The following PALM2AKAP2 variants were observed in gnomAD, a reference collection of about 807,000 sequenced individuals.
The protein encoded by PALM2AKAP2 is PALM2 and AKAP2 fusion, also known as PALM2-AKAP2 fusion protein.
In PALM2AKAP2, 37 loss-of-function variants were observed where a neutral mutation model predicts 71.5. The ratio of observed to expected loss-of-function variants is 0.52; its 90% CI spans 0.40 to 0.68. The LOEUF is 0.68. PALM2AKAP2 is among the 30% of genes least tolerant of loss of function. The pLI is 0.00. For missense variants in PALM2AKAP2, 1,224 were observed against 1,191.8 expected, an observed-to-expected ratio of 1.03 and a Z score of -0.40; for synonymous variants, 468 against 478.8, an observed-to-expected ratio of 0.98 and a Z score of 0.29.
Position 109,966,270 on chromosome 9 carries a change from T to G in PALM2AKAP2, c.496+34242T>G, listed in dbSNP as rs183746318. 2.9e-4 allele frequency among the ~76,000 whole-genome samples: 44 copies of G among 152,248 alleles called. 1 individual carries two copies. Among genetic ancestry groups the G allele is most frequent in the Admixed American group, 1.5e-3 (23 of 15,288 alleles). On this transcript the variant is annotated intron_variant, in intron 6 of 9. Coordinates refer to the PALM2AKAP2 transcript ENST00000302798. ...GTGTTGCACAAGTCCTAGACTAAAC[T>G]AGGATGGTGGCTGTGCAAAAGAAAA...
intron 1 of PALM2AKAP2, among the ~76,000 whole-genome samples, chr9:109,667,844 T>G (rs796700464): frequency 1.3e-5 from 2 of 151,668 alleles, no homozygotes; most frequent in African/African-American, 4.8e-5. Context: ...AGCCTATAGC[T>G]CAGGATAGGT....
At chr9:109,933,102 A>G (rs548184834) in intron 6 of PALM2AKAP2, among the ~76,000 whole-genome samples, 2 of 152,372 alleles carry the variant, frequency 1.3e-5, no homozygotes, top group East Asian at 3.9e-4. Flanking sequence ...ACTTTTATGT[A>G]CAGACTCACA....
Position 109,912,721 on chromosome 9 carries a change from TAGAC to T in PALM2AKAP2, c.258-10998_258-10995del, listed in dbSNP as rs375640132. On this transcript the variant is annotated intron_variant, in intron 3 of 9. Coordinates refer to the PALM2AKAP2 transcript ENST00000302798. ...GAGCTAGATTAGATAGATAGATAGA[TAGAC>T]AGACAGACAGACAGATAAGATAGAT... Among the ~76,000 whole-genome samples, 1,215 of 136,170 alleles carry T rather than the reference TAGAC, an allele frequency of 8.9e-3. 9 individuals are homozygous for T. The highest frequency in any genetic ancestry group is 0.026 in the African/African-American group (1,024 of 39,996). The allele number at this position is 136,170 out of a possible 152,430, so 89.3% of individuals were successfully genotyped here. A position where few individuals can be genotyped will look rare whatever the true frequency, so the allele number is the denominator to read the frequency against.
At chr9:110,001,799 G>T (rs1295225356) in intron 6 of PALM2AKAP2, among the ~76,000 whole-genome samples, 1 of 152,142 alleles carries the variant, frequency 6.6e-6, no homozygotes, top group Non-Finnish European at 1.5e-5. Flanking sequence ...GTTCACTCAT[G>T]ATTTGGCTCT....
At chr9:109,810,358 G>T (rs561297320) in intron 1 of PALM2AKAP2, among the ~76,000 whole-genome samples, 2 of 152,304 alleles carry the variant, frequency 1.3e-5, no homozygotes, top group African/African-American at 4.8e-5. Context: ...AATAAGAAGG[G>T]CTGGCCAGTG....
intron 1 of PALM2AKAP2, among the ~76,000 whole-genome samples, chr9:109,769,902 CT>C (rs1829230180): frequency 6.6e-6 from 1 of 152,036 alleles, no homozygotes; most frequent in Non-Finnish European, 1.5e-5. Flanking sequence ...AAGGAGGTAC[CT>C]TCTCGGGGAG....
rs536509589 is a variant in PALM2AKAP2, at chr9:109,737,070, G to A, written c.6-43418G>A. ...GTAAGATGATTTTATCGCTAGGGAG[G>A]CATCATCTAGGAAAGTCTTTGCCAG... On this transcript the variant is annotated intron_variant, in intron 1 of 6. Coordinates refer to the PALM2AKAP2 transcript ENST00000374531. Among the ~76,000 whole-genome samples, 5 of 152,352 alleles carry A rather than the reference G, an allele frequency of 3.3e-5. No homozygotes were observed. In the East Asian group the frequency reaches 9.6e-4, roughly 29 times the overall value.
intron 1 of PALM2AKAP2, among the ~76,000 whole-genome samples, chr9:109,709,025 G>A (rs1011893703): frequency 1.3e-5 from 2 of 152,308 alleles, no homozygotes; most frequent in Middle Eastern, 3.4e-3. Flanking sequence ...GATGGGGCCA[G>A]CTATAGTGGT....
chr9:110,112,402 A>C (rs559048369), intron 1 of PALM2AKAP2, among the ~76,000 whole-genome samples: 2 of 152,314 alleles, frequency 1.3e-5, no homozygotes, highest in Non-Finnish European at 2.9e-5. Context: ...CAATGTGTTC[A>C]TCCACAAAAT....
intron 1 of PALM2AKAP2, among the ~76,000 whole-genome samples, chr9:110,075,475 GAAGAA>G (rs1263736965): frequency 6.6e-6 from 1 of 152,080 alleles, no homozygotes; most frequent in African/African-American, 2.4e-5. Flanking sequence ...ACTATAAAAA[GAAGAA>G]AAGAAAACTC....
chr9:109,955,758 A>G (rs1208071811), intron 6 of PALM2AKAP2, among the ~76,000 whole-genome samples: 1 of 152,042 alleles, frequency 6.6e-6, no homozygotes, highest in East Asian at 1.9e-4. Context: ...AATATGGTGA[A>G]ATCCCAACTC....
chr9:109,710,196 C>G (rs1159263605), intron 1 of PALM2AKAP2, among the ~76,000 whole-genome samples: 1 of 152,168 alleles, frequency 6.6e-6, no homozygotes, highest in Non-Finnish European at 1.5e-5. Context: ...CTTCTGGCCT[C>G]CAGAACTGTG....
intron 2 of PALM2AKAP2, among the ~76,000 whole-genome samples, chr9:110,142,889 A>G (rs542929769): frequency 6.6e-6 from 1 of 152,302 alleles, no homozygotes; most frequent in African/African-American, 2.4e-5. Context: ...AGAGTTTTTA[A>G]AGGAGTAATT....
intron 6 of PALM2AKAP2, among the ~76,000 whole-genome samples, chr9:109,984,640 T>A (rs1361766753): frequency 6.6e-6 from 1 of 151,892 alleles, no homozygotes; most frequent in Non-Finnish European, 1.5e-5. Context: ...GAGGATTGCT[T>A]GAGGCTAGGA....
chr9:109,855,039 A>G (rs1195054825), intron 1 of PALM2AKAP2, among the ~76,000 whole-genome samples: 1 of 151,470 alleles, frequency 6.6e-6, no homozygotes, highest in African/African-American at 2.4e-5. Flanking sequence ...AAGTACTGGG[A>G]TTACAGGCGT....
Position 110,000,904 on chromosome 9 carries a change from T to C in PALM2AKAP2, c.497-15050T>C, listed in dbSNP as rs181303332. Among the ~76,000 whole-genome samples, 28 of 152,368 alleles carry C rather than the reference T, an allele frequency of 1.8e-4. No individual in the cohort carries two copies. In the South Asian group the frequency reaches 3.7e-3, roughly 20 times the overall value. On this transcript the variant is annotated intron_variant, in intron 6 of 9. Transcript: ENST00000302798. ...ATTTGTTTGAGTTCATTGTAGATTC[T>C]GGATATTAGCCCTTCATCAGATGAG...
chr9:109,668,969 T>C (rs1333199160), intron 1 of PALM2AKAP2, among the ~76,000 whole-genome samples: 1 of 152,214 alleles, frequency 6.6e-6, no homozygotes, highest in East Asian at 1.9e-4. Context: ...TGATTTTCAT[T>C]CCTAAAATTC....
At chr9:110,018,015 C>T (rs767873527) in intron 7 of PALM2AKAP2, among the ~76,000 whole-genome samples, 3 of 151,508 alleles carry the variant, frequency 2.0e-5, no homozygotes, top group Non-Finnish European at 2.9e-5. Flanking sequence ...CGTGAGTCAC[C>T]GCTCCAGGCC....
At chr9:109,891,220 T>A (rs991530665) in intron 3 of PALM2AKAP2, among the ~76,000 whole-genome samples, 1 of 152,188 alleles carries the variant, frequency 6.6e-6, no homozygotes, top group African/African-American at 2.4e-5. Context: ...GAAAATGCAG[T>A]TCCACAGGGT....
Sources: allele counts gnomAD v4.1 joint callset (sites outside exome capture counted in the v4.1 genomes callset), GRCh38; gene constraint gnomAD v4.1.1; transcripts MANE v1.5; gene names NCBI Gene and HGNC (gene_info 2026-07-23, HGNC 2026-07-21).